The following KIAA1549 variants were observed in gnomAD, a reference collection of about 807,000 sequenced individuals.
The protein encoded by KIAA1549 is UPF0606 protein KIAA1549.
KIAA1549 carries 70 observed loss-of-function variants against 156.4 expected under a neutral mutation model. The observed-to-expected ratio is 0.45, with a 90% CI of 0.37 to 0.55. The LOEUF (loss-of-function observed/expected upper bound fraction) is 0.55, where lower values mean the gene tolerates loss of function less well. Ranked by LOEUF, KIAA1549 falls within the 20% of genes least tolerant of loss-of-function variation. The pLI, the probability that KIAA1549 is intolerant of heterozygous loss-of-function variation, is 0.00. For synonymous variants in KIAA1549, 1,103 were observed against 1,066.4 expected (o/e 1.03, Z -0.67); for missense variants, 2,428 against 2,540.9 (o/e 0.96, Z 0.96).
chr7:138,981,212 C>A lies in KIAA1549; in HGVS notation c.58G>T (p.Gly20Trp). 2.0e-6 allele frequency: 2 copies of A among 1,016,840 alleles called. No individual in the cohort carries two copies. Among genetic ancestry groups the A allele is most frequent in the Non-Finnish European group, 2.3e-6 (2 of 852,474 alleles). 63.0% of individuals were successfully genotyped at this position (1,016,840 alleles called of 1,614,324 possible). A position where few individuals can be genotyped will look rare whatever the true frequency, so the allele number is the denominator to read the frequency against. ...CTCGGCCCCGGGGCCAGCGCGACCCCGGCGCGGGGCTTCCCCTCCATGGCC... is the reference window on the plus strand; with the variant it reads ...CTCGGCCCCGGGGCCAGCGCGACCCAGGCGCGGGGCTTCCCCTCCATGGCC... The part of the protein sequence containing the change: ...GAAMEGKPRA[G>W]VALAPGPSGR... The change falls in exon 1 of 20, where the codon GGG becomes TGG. Residue 20 changes from glycine to tryptophan, a missense_variant. Gly to Trp is a radical substitution (Grantham distance 184, BLOSUM62 -2). Coordinates refer to ENST00000422774, the MANE Select transcript of KIAA1549 (RefSeq NM_001164665.2). This position sits in a 1 kb window ranked among gnomAD's most constrained non-coding sequence, Gnocchi z 4.5.
At chr7:138,893,720 C>G (rs565749836) in intron 10 of KIAA1549, among the ~76,000 whole-genome samples, 1 of 152,194 alleles carries the variant, frequency 6.6e-6, no homozygotes, top group Admixed American at 6.5e-5. Flanking sequence ...AATAGATAAA[C>G]AGATCTGAGA....
chr7:138,892,987 C>T (rs1811584164), intron 10 of KIAA1549, among the ~76,000 whole-genome samples: 2 of 152,218 alleles, frequency 1.3e-5, no homozygotes, highest in Non-Finnish European at 2.9e-5. Context: ...CTGACTACCA[C>T]GTTCCACTCC....
chr7:138,936,160 CAG>C, intron 1 of KIAA1549, among the ~76,000 whole-genome samples: 1 of 152,264 alleles, frequency 6.6e-6, no homozygotes, highest in East Asian at 1.9e-4. Flanking sequence ...AGTTCCATGT[CAG>C]AGAGACTGCA....
chr7:138,936,589 T>C (rs1813016581), intron 1 of KIAA1549, among the ~76,000 whole-genome samples: 1 of 152,150 alleles, frequency 6.6e-6, no homozygotes, highest in Non-Finnish European at 1.5e-5. Flanking sequence ...GGCCACAGCA[T>C]CCACAAACAT....
chr7:138,898,453 G>C (rs1250120221), intron 9 of KIAA1549, among the ~76,000 whole-genome samples: 1 of 152,132 alleles, frequency 6.6e-6, no homozygotes, highest in African/African-American at 2.4e-5. Flanking sequence ...GTGACGTGAG[G>C]ATAGGTGGGA....
intron 8 of KIAA1549, among the ~76,000 whole-genome samples, chr7:138,901,397 C>G (rs1382513357): frequency 6.7e-6 from 1 of 150,218 alleles, no homozygotes; most frequent in African/African-American, 2.5e-5. Context: ...GTGATCTTAG[C>G]TCACTGAAAC....
chr7:138,862,291 G>T (rs369458752), intron 15 of KIAA1549, among the ~76,000 whole-genome samples: 4 of 151,962 alleles, frequency 2.6e-5, no homozygotes, highest in Admixed American at 2.6e-4. Flanking sequence ...AGAGAGGCCA[G>T]GAATTTGAGA....
At chr7:138,903,349 G>T (rs1811896788) in intron 8 of KIAA1549, among the ~76,000 whole-genome samples, 1 of 152,180 alleles carries the variant, frequency 6.6e-6, no homozygotes, top group Admixed American at 6.5e-5. Flanking sequence ...TGCTCTGCAA[G>T]GTCTATTGTT....
At chr7:138,871,483 C>A in intron 12 of KIAA1549, 121 bp from the exon 13 acceptor site, 1 of 740,946 alleles carries the variant, frequency 1.3e-6, no homozygotes, top group Admixed American at 3.4e-5. Context: ...AAATACATCC[C>A]CACTGCAGTA....
intron 2 of KIAA1549, among the ~76,000 whole-genome samples, chr7:138,915,006 G>A (rs1812278350): frequency 6.6e-6 from 1 of 152,204 alleles, no homozygotes; most frequent in African/African-American, 2.4e-5. Flanking sequence ...TCATGAGCAT[G>A]AGAAACTCTT....
At chr7:138,906,714 G>A (rs1055783863) in intron 6 of KIAA1549, among the ~76,000 whole-genome samples, 3 of 152,068 alleles carry the variant, frequency 2.0e-5, no homozygotes, top group African/African-American at 4.8e-5. Flanking sequence ...TATACTGCTC[G>A]GGTGATGGGT....
At chr7:138,884,501 G>T (rs889622467) in intron 10 of KIAA1549, among the ~76,000 whole-genome samples, 2 of 152,080 alleles carry the variant, frequency 1.3e-5, no homozygotes, top group Non-Finnish European at 2.9e-5. Flanking sequence ...GAGATTATAA[G>T]ACAGATAGAA....
At chr7:138,901,326 ATT>A (rs55728739) in intron 8 of KIAA1549, among the ~76,000 whole-genome samples, 9,675 of 132,800 alleles carry the variant, frequency 0.073, 979 homozygotes, top group African/African-American at 0.26. Flanking sequence ...CTTGAGTTTT[ATT>A]TTTTTTTTTT....
rs1811910200 is a variant in KIAA1549, at chr7:138,903,780, C to T, written c.3521-44G>A. On this transcript the variant is annotated intron_variant, in intron 7 of 19. Transcript: ENST00000422774. ...ATACGTGGCACCCAAAACAAGTCAG[C>T]AGTAAAAAAACAGTGTGTGTGTGTG... 11 of 1,499,064 alleles carry T rather than the reference C, an allele frequency of 7.3e-6. No individual in the cohort carries two copies. In the East Asian group the frequency reaches 2.4e-4, roughly 33 times the overall value. 92.9% of individuals were successfully genotyped at this position (1,499,064 alleles called of 1,614,324 possible). A position where few individuals can be genotyped will look rare whatever the true frequency, so the allele number is the denominator to read the frequency against.
At chr7:138,925,112 G>A (rs913497926) in intron 1 of KIAA1549, among the ~76,000 whole-genome samples, 2 of 152,136 alleles carry the variant, frequency 1.3e-5, no homozygotes, top group Admixed American at 6.5e-5. Context: ...CATGCTGGAC[G>A]TCACAGCGGG....
intron 1 of KIAA1549, among the ~76,000 whole-genome samples, chr7:138,943,036 C>T (rs1216421207): frequency 6.6e-6 from 1 of 152,250 alleles, no homozygotes; most frequent in Non-Finnish European, 1.5e-5. Flanking sequence ...CTCAAACAAC[C>T]GATGAGCAAC....
At chr7:138,923,605 GAA>G (rs11284264) in intron 1 of KIAA1549, among the ~76,000 whole-genome samples, 118 of 135,522 alleles carry the variant, frequency 8.7e-4, no homozygotes, top group African/African-American at 2.8e-3. Flanking sequence ...ATCTCAAAAA[GAA>G]AAAAAAAAAG....
At chr7:138,901,346 G>A (rs1462388421) in intron 8 of KIAA1549, among the ~76,000 whole-genome samples, 2 of 136,006 alleles carry the variant, frequency 1.5e-5, no homozygotes, top group African/African-American at 5.7e-5. Flanking sequence ...TTTTTTTTGA[G>A]ACAGAGTCTC....
intron 1 of KIAA1549, among the ~76,000 whole-genome samples, chr7:138,952,010 C>A (rs1189332781): frequency 6.6e-6 from 1 of 152,146 alleles, no homozygotes; most frequent in African/African-American, 2.4e-5. Flanking sequence ...CCAATCCTGC[C>A]CTCAGTGATT....
Sources: allele counts gnomAD v4.1 joint callset (sites outside exome capture counted in the v4.1 genomes callset), GRCh38; gene constraint gnomAD v4.1.1; non-coding constraint Gnocchi (gnomAD v3.1); transcripts MANE v1.5; gene names NCBI Gene and HGNC (gene_info 2026-07-23, HGNC 2026-07-21).